CADM2: variants seen among roughly 807,000 people sequenced by gnomAD.
The protein encoded by CADM2 is immunoglobulin superfamily member 4D.
CADM2 carries 12 observed loss-of-function variants against 49.8 expected under a neutral mutation model. The observed-to-expected ratio is 0.24, with a 90% CI of 0.15 to 0.39. CADM2 has a LOEUF of 0.39. Among genes scored for constraint, CADM2 ranks in the 10% least tolerant of loss-of-function variants. The pLI, the probability that CADM2 is intolerant of heterozygous loss-of-function variation, is 1.00. For missense variants in CADM2, 378 were observed against 492.3 expected, an observed-to-expected ratio of 0.77 and a Z score of 2.20; for synonymous variants, 214 against 175.4, an observed-to-expected ratio of 1.22 and a Z score of -1.74.
chr3:85,736,181 A>G (rs1559622596), intron 2 of CADM2, among the ~76,000 whole-genome samples: 2 of 152,250 alleles, frequency 1.3e-5, no homozygotes, highest in African/African-American at 4.8e-5. Context: ...GTATTTAAAA[A>G]GGAAGTGGTG....
intron 1 of CADM2, among the ~76,000 whole-genome samples, chr3:85,498,183 T>G (rs59388186): frequency 0.016 from 2,429 of 151,840 alleles, 87 homozygotes; most frequent in African/African-American, 0.055. Context: ...TTTTTTTTTT[T>G]TTTTTGTATT....
In CADM2 at chr3:85,362,889, A is replaced by G. The variant is rs375441478; in HGVS notation, c.62-363633A>G. On this transcript the variant is annotated intron_variant, in intron 1 of 9. Transcript: ENST00000383699. Reference sequence around the variant, plus strand: ...TAAAAGGAAATATATAGTTAAAGGCATATCAAAATTCAAACACTTACGAAT... The same window carrying G: ...TAAAAGGAAATATATAGTTAAAGGCGTATCAAAATTCAAACACTTACGAAT... 7.9e-5 allele frequency among the ~76,000 whole-genome samples: 12 copies of G among 152,316 alleles called. No individual in the cohort carries two copies. In the East Asian group the frequency reaches 1.7e-3, roughly 22 times the overall value.
chr3:85,287,332 T>C (rs2106915102), intron 1 of CADM2, among the ~76,000 whole-genome samples: 1 of 152,260 alleles, frequency 6.6e-6, no homozygotes, highest in South Asian at 2.1e-4. Flanking sequence ...AATACTTTTT[T>C]CTTTGAATAT....
chr3:86,064,419 T>G (rs534041991), intron 8 of CADM2, among the ~76,000 whole-genome samples: 1 of 152,250 alleles, frequency 6.6e-6, no homozygotes. Flanking sequence ...TATTCCATGG[T>G]GTATATGTGC....
chr3:85,519,899 A>G (rs765383431), intron 1 of CADM2, among the ~76,000 whole-genome samples: 2 of 152,050 alleles, frequency 1.3e-5, no homozygotes, highest in African/African-American at 2.4e-5. Flanking sequence ...CCGAATTTGT[A>G]AGGAGATTGC....
intron 2 of CADM2, among the ~76,000 whole-genome samples, chr3:85,747,260 C>T (rs1317895897): frequency 6.6e-6 from 1 of 152,010 alleles, no homozygotes; most frequent in Admixed American, 6.6e-5. Context: ...ATCTATGAAG[C>T]TTCCATCTTA....
intron 1 of CADM2, among the ~76,000 whole-genome samples, chr3:85,562,113 T>G (rs2107183344): frequency 6.6e-6 from 1 of 152,260 alleles, no homozygotes; most frequent in Admixed American, 6.5e-5. Flanking sequence ...GATGGGTTTT[T>G]GGTTTAAATA....
intron 1 of CADM2, among the ~76,000 whole-genome samples, chr3:85,231,949 A>C (rs1373935149): frequency 3.3e-5 from 5 of 151,740 alleles, no homozygotes; most frequent in African/African-American, 1.2e-4. Flanking sequence ...TCCTGACCCC[A>C]AGTGATCCAC....
chr3:85,057,431 A>G (rs2036124465), intron 1 of CADM2, among the ~76,000 whole-genome samples: 1 of 152,110 alleles, frequency 6.6e-6, no homozygotes, highest in Non-Finnish European at 1.5e-5. Flanking sequence ...AAAAATTATT[A>G]ATTAAATGAT....
At chr3:85,114,804 C>T (rs1441831584) in intron 1 of CADM2, among the ~76,000 whole-genome samples, 2 of 152,134 alleles carry the variant, frequency 1.3e-5, no homozygotes, top group African/African-American at 4.8e-5. Context: ...AATATATTGC[C>T]AGGCACTTAA....
At chr3:86,002,094 C>T (rs114503798) in intron 8 of CADM2, among the ~76,000 whole-genome samples, 197 of 152,090 alleles carry the variant, frequency 1.3e-3, no homozygotes, top group African/African-American at 4.4e-3. Flanking sequence ...TGATTCAATC[C>T]AGGGCACTTC....
intron 1 of CADM2, among the ~76,000 whole-genome samples, chr3:85,429,240 C>T (rs2036558203): frequency 6.6e-6 from 1 of 151,984 alleles, no homozygotes; most frequent in African/African-American, 2.4e-5. Context: ...TGTTTAGTTT[C>T]ATCATTTATA....
chr3:85,157,111 A>G (rs146557620), intron 1 of CADM2, among the ~76,000 whole-genome samples: 1,603 of 152,324 alleles, frequency 0.011, 19 homozygotes, highest in Non-Finnish European at 0.018. Flanking sequence ...AGAATAAAAT[A>G]TCTAGGAATC....
At chr3:85,597,668 T>G (rs1418445852) in intron 1 of CADM2, among the ~76,000 whole-genome samples, 1 of 152,084 alleles carries the variant, frequency 6.6e-6, no homozygotes, top group Non-Finnish European at 1.5e-5. Flanking sequence ...GAATGTACTA[T>G]TTTGAATCAG....
chr3:85,004,955 G>T (rs2033652049), intron 1 of CADM2, among the ~76,000 whole-genome samples: 1 of 152,120 alleles, frequency 6.6e-6, no homozygotes. Flanking sequence ...GCACATCCAA[G>T]TTGCAATAAC....
At chr3:86,013,016 A>C (rs1308883975) in intron 8 of CADM2, 19 of 985,858 alleles carry the variant, frequency 1.9e-5, no homozygotes, top group Non-Finnish European at 2.9e-5. Context: ...AACATTATCG[A>C]TTATGTGCCA....
chr3:85,459,269 C>CA (rs1369242104), intron 1 of CADM2, among the ~76,000 whole-genome samples: 9 of 151,754 alleles, frequency 5.9e-5, no homozygotes, highest in South Asian at 2.1e-4. Flanking sequence ...TGTCCAAAAC[C>CA]AAAAAAAGGG....
chr3:85,710,133 G>A (rs990141140), intron 1 of CADM2, among the ~76,000 whole-genome samples: 4 of 152,058 alleles, frequency 2.6e-5, no homozygotes, highest in African/African-American at 9.7e-5. Context: ...TATGTATAGA[G>A]GTAGGTACAA....
At chr3:85,347,556 CACACATATATATAAAT>C (rs1182620302) in intron 1 of CADM2, among the ~76,000 whole-genome samples, 12 of 142,642 alleles carry the variant, frequency 8.4e-5, no homozygotes, top group East Asian at 5.9e-4. Context: ...AATATATATA[CACACATATATATAAAT>C]ATATATACAT....
Sources: allele counts gnomAD v4.1 joint callset (sites outside exome capture counted in the v4.1 genomes callset), GRCh38; gene constraint gnomAD v4.1.1; transcripts MANE v1.5; gene names NCBI Gene and HGNC (gene_info 2026-07-23, HGNC 2026-07-21).